The following NETO1 variants were observed in gnomAD, a reference collection of about 807,000 sequenced individuals.
The protein encoded by NETO1 is neuropilin and tolloid like 1.
In NETO1, 26 loss-of-function variants were observed where a neutral mutation model predicts 61.3. The ratio of observed to expected loss-of-function variants is 0.42; its 90% confidence interval spans 0.31 to 0.59. NETO1 has a LOEUF of 0.59. NETO1 is among the 20% of genes least tolerant of loss of function. NETO1 has a pLI of 0.12. For synonymous variants in NETO1, 225 were observed against 225.8 expected, an observed-to-expected ratio of 1.00 and a Z score of 0.03; for missense variants, 531 against 662.8, an observed-to-expected ratio of 0.80 and a Z score of 2.18.
chr18:72,757,216 T>C (rs2070812320), intron 7 of NETO1, among the ~76,000 whole-genome samples: 1 of 152,208 alleles, frequency 6.6e-6, no homozygotes, highest in South Asian at 2.1e-4. Flanking sequence ...ATCAGTACTA[T>C]TTAGACACTG....
At chr18:72,752,850 A>G (rs144169745) in intron 8 of NETO1, among the ~76,000 whole-genome samples, 1 of 152,354 alleles carries the variant, frequency 6.6e-6, no homozygotes, top group East Asian at 1.9e-4. Flanking sequence ...AGAATTGAAC[A>G]GTACAATTAC....
intron 4 of NETO1, among the ~76,000 whole-genome samples, chr18:72,846,733 G>C (rs1241211414): frequency 6.6e-6 from 1 of 152,028 alleles, no homozygotes; most frequent in East Asian, 1.9e-4. Flanking sequence ...GTGCAAAAAA[G>C]CTAGAAATAA....
At chr18:72,748,967 A>C (rs2070497533) in intron 10 of NETO1, 47 bp downstream of exon 10, 2 of 1,190,918 alleles carry the variant, frequency 1.7e-6, no homozygotes, top group African/African-American at 1.5e-5. Context: ...GTTGCAACAA[A>C]ACAGAATACG....
intron 6 of NETO1, among the ~76,000 whole-genome samples, chr18:72,792,684 G>A (rs1031553855): frequency 2.0e-5 from 3 of 151,774 alleles, no homozygotes; most frequent in Admixed American, 6.6e-5. Context: ...TCACTTTTCT[G>A]CTTTGTTTTT....
At chr18:72,843,987 A>C (rs997580870) in intron 4 of NETO1, among the ~76,000 whole-genome samples, 1 of 152,218 alleles carries the variant, frequency 6.6e-6, no homozygotes, top group African/African-American at 2.4e-5. Context: ...TAGTTCTCCA[A>C]CAAGCTCCTC....
At chr18:72,796,852 A>G (rs1173616584) in intron 4 of NETO1, among the ~76,000 whole-genome samples, 4 of 152,228 alleles carry the variant, frequency 2.6e-5, no homozygotes, top group Non-Finnish European at 4.4e-5. Context: ...ATCATAGATC[A>G]TTTGGAACAA....
At chr18:72,809,034 T>C (rs947403079) in intron 4 of NETO1, among the ~76,000 whole-genome samples, 3 of 152,268 alleles carry the variant, frequency 2.0e-5, no homozygotes, top group African/African-American at 7.2e-5. Flanking sequence ...AGTTATCATA[T>C]TCTGTAAAAG....
intron 4 of NETO1, among the ~76,000 whole-genome samples, chr18:72,809,094 A>C (rs1568216770): frequency 6.6e-6 from 1 of 152,214 alleles, no homozygotes; most frequent in Non-Finnish European, 1.5e-5. Flanking sequence ...CAAGGGCAGA[A>C]TCTGTAAGTT....
intron 4 of NETO1, among the ~76,000 whole-genome samples, chr18:72,838,401 A>T (rs142219670): frequency 7.9e-5 from 12 of 152,296 alleles, no homozygotes; most frequent in African/African-American, 2.4e-4. Flanking sequence ...TCTAGGTTTC[A>T]TCTCCCTGAT....
At chr18:72,804,937 C>G (rs957246459) in intron 4 of NETO1, among the ~76,000 whole-genome samples, 3 of 152,262 alleles carry the variant, frequency 2.0e-5, no homozygotes, top group South Asian at 2.1e-4. Context: ...CAAATAAAAT[C>G]TTTACTAATT....
At chr18:72,826,666 C>T (rs2145348837) in intron 4 of NETO1, among the ~76,000 whole-genome samples, 1 of 152,170 alleles carries the variant, frequency 6.6e-6, no homozygotes, top group South Asian at 2.1e-4. Flanking sequence ...TCACTGTGTG[C>T]TGGTGACACT....
intron 7 of NETO1, among the ~76,000 whole-genome samples, chr18:72,761,130 GATGT>G (rs2070959238): frequency 6.6e-6 from 1 of 152,062 alleles, no homozygotes; most frequent in African/African-American, 2.4e-5. Flanking sequence ...AAAATGTTAA[GATGT>G]ATGATATAAA....
intron 4 of NETO1, among the ~76,000 whole-genome samples, chr18:72,802,220 T>C (rs2145319833): frequency 6.6e-6 from 1 of 152,026 alleles, no homozygotes; most frequent in African/African-American, 2.4e-5. Context: ...AAGCCAAATG[T>C]CACTTTTCAA....
intron 7 of NETO1, among the ~76,000 whole-genome samples, chr18:72,760,888 T>C (rs767842349): frequency 1.3e-5 from 2 of 152,156 alleles, no homozygotes; most frequent in Non-Finnish European, 2.9e-5. Flanking sequence ...ATCTATATAA[T>C]GGGGATAATT....
chr18:72,799,010 G>A (rs2072413980), intron 4 of NETO1, among the ~76,000 whole-genome samples: 1 of 152,156 alleles, frequency 6.6e-6, no homozygotes, highest in East Asian at 1.9e-4. Flanking sequence ...AAAACATAAT[G>A]AACAGAAGCA....
At chr18:72,854,360 A>G (rs9958916) in intron 4 of NETO1, among the ~76,000 whole-genome samples, 4,394 of 152,324 alleles carry the variant, frequency 0.029, 161 homozygotes, top group East Asian at 0.1. Context: ...GGATGTGTGT[A>G]ACTTTGTTCC....
intron 4 of NETO1, among the ~76,000 whole-genome samples, chr18:72,833,168 G>A (rs769207391): frequency 3.9e-5 from 6 of 151,906 alleles, no homozygotes; most frequent in Non-Finnish European, 5.9e-5. Context: ...AAACTTTGAC[G>A]CATCTGTATA....
intron 7 of NETO1, among the ~76,000 whole-genome samples, chr18:72,774,854 A>AT (rs1201348537): frequency 6.6e-6 from 1 of 152,100 alleles, no homozygotes; most frequent in Non-Finnish European, 1.5e-5. Flanking sequence ...TAGACTAAAC[A>AT]TTTTGTGTGA....
chr18:72,760,360 GGCTGT>G (rs1167049029), intron 7 of NETO1, among the ~76,000 whole-genome samples: 1 of 152,168 alleles, frequency 6.6e-6, no homozygotes, highest in Non-Finnish European at 1.5e-5. Flanking sequence ...ATTCATTTGT[GGCTGT>G]GCAATAGACT....
Sources: allele counts gnomAD v4.1 joint callset (sites outside exome capture counted in the v4.1 genomes callset), GRCh38; gene constraint gnomAD v4.1.1; transcripts MANE v1.5; gene names NCBI Gene and HGNC (gene_info 2026-07-23, HGNC 2026-07-21).